The following SIPA1L1 variants were observed in gnomAD, a reference collection of about 807,000 sequenced individuals.
SIPA1L1 encodes the protein signal induced proliferation associated 1 like 1, also known as signal-induced proliferation-associated 1-like protein 1.
A neutral mutation model predicts 162.7 loss-of-function variants in SIPA1L1; 26 were observed. The ratio of observed to expected loss-of-function variants is 0.16; its 90% CI spans 0.12 to 0.22. SIPA1L1 has a LOEUF of 0.22. Ranked by LOEUF, SIPA1L1 falls within the 10% of genes least tolerant of loss-of-function variation. The pLI is 1.00. For synonymous variants in SIPA1L1, 829 were observed against 837.4 expected, an observed-to-expected ratio of 0.99 and a Z score of 0.17; for missense variants, 1,874 against 2,241.0, an observed-to-expected ratio of 0.84 and a Z score of 3.31.
chr14:71,702,568 A>G, intron 15 of SIPA1L1, 63 bp downstream of exon 15: 1 of 1,441,232 alleles, frequency 6.9e-7, no homozygotes, highest in Non-Finnish European at 9.6e-7. Flanking sequence ...TCACCTCTTG[A>G]TGATGTTATC....
intron 19 of SIPA1L1, among the ~76,000 whole-genome samples, chr14:71,726,265 C>G (rs868698940): frequency 4.6e-5 from 7 of 152,212 alleles, no homozygotes; most frequent in Admixed American, 2.0e-4. Context: ...ACTCATCATT[C>G]AGGGCACAAA....
At chr14:71,496,295 T>C (rs1055772308) in intron 2 of SIPA1L1, among the ~76,000 whole-genome samples, 2 of 152,092 alleles carry the variant, frequency 1.3e-5, no homozygotes, top group Non-Finnish European at 2.9e-5. Context: ...ATAGCGAGGC[T>C]CCATGTCTAA....
intron 5 of SIPA1L1, among the ~76,000 whole-genome samples, chr14:71,595,621 C>T (rs1044859556): frequency 7.2e-5 from 11 of 152,140 alleles, no homozygotes; most frequent in African/African-American, 2.4e-4. Context: ...CCAAATAAAA[C>T]GCCTTTGTCC....
At chr14:71,640,028 C>T (rs559442922) in intron 7 of SIPA1L1, among the ~76,000 whole-genome samples, 29 of 152,020 alleles carry the variant, frequency 1.9e-4, no homozygotes, top group Non-Finnish European at 3.1e-4. Context: ...CTCAGTCTCC[C>T]GAGTAGCTGG....
chr14:71,327,551 A>G (rs965518592), intron 2 of SIPA1L1, among the ~76,000 whole-genome samples: 1 of 152,240 alleles, frequency 6.6e-6, no homozygotes, highest in Non-Finnish European at 1.5e-5. Flanking sequence ...ATAAATTAAT[A>G]GGATGTCCTA....
At chr14:71,416,032 ATAAACT>A (rs1303951572) in intron 2 of SIPA1L1, 8 of 152,278 alleles carry the variant, frequency 5.3e-5, no homozygotes, top group South Asian at 2.1e-4. Flanking sequence ...CTCTTGGTTG[ATAAACT>A]TAAACATGAC....
chr14:71,714,417 A>G (rs2083107324), intron 17 of SIPA1L1, among the ~76,000 whole-genome samples: 1 of 152,196 alleles, frequency 6.6e-6, no homozygotes, highest in Non-Finnish European at 1.5e-5. Context: ...TAGCAAGCCC[A>G]AATTCTTCAA....
Position 71,709,315 on chromosome 14 carries a change from C to G in SIPA1L1, c.3859C>G (p.Arg1287Gly). 6.2e-7 allele frequency: 1 copy of G among 1,614,170 alleles called. No individual in the cohort carries two copies. ...HSDEKWYDGD[R>G]TESELNSYNY... The stretch of plus-strand genomic sequence containing the variant: ...TGATGAGAAGTGGTACGATGGGGAC[C>G]GCACAGAATCCGAACTCAACAGCTA... The change falls in exon 17 of 24, where the codon CGC (arginine) becomes GGC (glycine). Residue 1287 changes from arginine to glycine, a missense_variant. This residue lies in a region of SIPA1L1 where 936 missense variants were observed against 1,051.9 expected (regional missense o/e 0.89). Coordinates refer to ENST00000381232, the MANE Select transcript of SIPA1L1 (RefSeq NM_001386936.1).
chr14:71,587,507 A>G (rs1415988622), intron 4 of SIPA1L1, 64 bp from the exon 5 acceptor site: 1 of 403,756 alleles, frequency 2.5e-6, no homozygotes, highest in East Asian at 3.5e-5. Flanking sequence ...TCTGGTTTTG[A>G]CAATTGCATG....
chr14:71,338,499 G>A (rs572775464), intron 2 of SIPA1L1, among the ~76,000 whole-genome samples: 5 of 152,278 alleles, frequency 3.3e-5, no homozygotes, highest in African/African-American at 1.2e-4. Context: ...TCTGGACAGG[G>A]TCATTGTAAA....
chr14:71,521,651 T>C (rs1314688320), intron 3 of SIPA1L1, among the ~76,000 whole-genome samples: 1 of 152,242 alleles, frequency 6.6e-6, no homozygotes, highest in Non-Finnish European at 1.5e-5. Context: ...TTGCTACAAA[T>C]ATGTGTCCAT....
In SIPA1L1 at chr14:71,504,434, G is replaced by A. The variant is rs559247176; in HGVS notation, c.-464-8309G>A. Among the ~76,000 whole-genome samples, 9 of 152,276 alleles carry A rather than the reference G, an allele frequency of 5.9e-5. No homozygotes were observed. The East Asian group carries it at 1.7e-3, about 29-fold the overall frequency. On this transcript the variant is annotated intron_variant, in intron 2 of 23. Coordinates refer to ENST00000381232, the MANE Select transcript of SIPA1L1 (RefSeq NM_001386936.1). ...AACAGAGTAGTTTAAAACTGCATAT[G>A]CCAGCTTTCCTCTCTCTATTCTCTA...
intron 2 of SIPA1L1, among the ~76,000 whole-genome samples, chr14:71,493,926 C>T (rs1466665877): frequency 1.3e-5 from 2 of 152,170 alleles, no homozygotes; most frequent in African/African-American, 2.4e-5. Flanking sequence ...TGTGGGCAGG[C>T]CAGCCCGAAG....
chr14:71,569,868 T>C (rs2031607446), intron 4 of SIPA1L1, among the ~76,000 whole-genome samples: 1 of 152,332 alleles, frequency 6.6e-6, no homozygotes, highest in East Asian at 1.9e-4. Context: ...GTAAATGGAT[T>C]CGCCTCTTTC....
At chr14:71,737,073 C>T (rs531180683) in intron 22 of SIPA1L1, among the ~76,000 whole-genome samples, 2 of 152,274 alleles carry the variant, frequency 1.3e-5, no homozygotes, top group African/African-American at 4.8e-5. Flanking sequence ...TGTCCCTTCT[C>T]AAACCCATTC....
chr14:71,657,113 G>C (rs975382062), intron 8 of SIPA1L1, among the ~76,000 whole-genome samples: 1 of 152,152 alleles, frequency 6.6e-6, no homozygotes, highest in Non-Finnish European at 1.5e-5. Context: ...ACTTTGGGAG[G>C]CCAAGGTGGG....
chr14:71,516,543 T>C (rs1039909864), intron 3 of SIPA1L1, among the ~76,000 whole-genome samples: 12 of 152,202 alleles, frequency 7.9e-5, no homozygotes, highest in Non-Finnish European at 1.0e-4. Context: ...TGTGTCACCA[T>C]GCTTGGCTAA....
intron 4 of SIPA1L1, among the ~76,000 whole-genome samples, chr14:71,580,636 G>A (rs1169399704): frequency 6.6e-6 from 1 of 151,968 alleles, no homozygotes; most frequent in Non-Finnish European, 1.5e-5. Context: ...TTTAATTAGG[G>A]GATTTAGCAC....
At chr14:71,391,953 T>C (rs1566965604) in intron 2 of SIPA1L1, among the ~76,000 whole-genome samples, 1 of 152,220 alleles carries the variant, frequency 6.6e-6, no homozygotes, top group Non-Finnish European at 1.5e-5. Flanking sequence ...CTTTCCATTC[T>C]AAGATTCCAC....
Sources: gnomAD v4.1 joint callset for allele counts (sites outside exome capture counted in the v4.1 genomes callset) on GRCh38, gnomAD v4.1.1 for gene constraint, gnomAD v4.1.1 regional missense constraint, MANE v1.5 for transcripts, NCBI Gene and HGNC (gene_info 2026-07-23, HGNC 2026-07-21) for gene names.